The following CAV3 variants were observed in gnomAD, a reference collection of about 807,000 sequenced individuals.
The protein encoded by CAV3 is caveolin-3.
A neutral mutation model predicts 13.4 loss-of-function variants in CAV3; 10 were observed. The observed-to-expected ratio is 0.75, with a 90% CI of 0.46 to 1.27. CAV3 has a LOEUF of 1.27. Ranked by LOEUF, CAV3 falls within the 50% of genes most tolerant of loss-of-function variation. The probability of loss-of-function intolerance (pLI) is 0.00; values close to 1 mark genes in which losing one functional copy is unlikely to be tolerated. For missense variants in CAV3, 162 were observed against 194.0 expected (o/e 0.83, Z 0.98); for synonymous variants, 90 against 79.0 (o/e 1.14, Z -0.74).
At chr3:8,735,918 C>T (rs79761756) in intron 1 of CAV3, among the ~76,000 whole-genome samples, 9 of 152,364 alleles carry the variant, frequency 5.9e-5, no homozygotes, top group Non-Finnish European at 1.2e-4. Flanking sequence ...CCCTGCTTCA[C>T]TCAGGGCATT....
At chr3:8,735,857 A>G (rs1385997960) in intron 1 of CAV3, among the ~76,000 whole-genome samples, 1 of 152,210 alleles carries the variant, frequency 6.6e-6, no homozygotes, top group African/African-American at 2.4e-5. Flanking sequence ...AACCTCCTCC[A>G]GAAAGCCTTC....
chr3:8,736,498 C>T (rs1214906366), intron 1 of CAV3, among the ~76,000 whole-genome samples: 1 of 152,216 alleles, frequency 6.6e-6, no homozygotes, highest in Non-Finnish European at 1.5e-5. Context: ...CCATCTGGTA[C>T]ACCCAGGTGG....
chr3:8,737,234 T>A (rs1707787610), intron 1 of CAV3, among the ~76,000 whole-genome samples: 1 of 152,144 alleles, frequency 6.6e-6, no homozygotes. Flanking sequence ...AGGTTTCTCA[T>A]GGGCTAGGAT....
intron 1 of CAV3, chr3:8,742,422 T>C (rs751392704): frequency 8.5e-5 from 35 of 414,018 alleles, no homozygotes; most frequent in Admixed American, 6.1e-4. Flanking sequence ...ACAGAAGCCA[T>C]TGGCGGTAGG....
chr3:8,737,961 C>T (rs1707815264), intron 1 of CAV3, among the ~76,000 whole-genome samples: 1 of 152,120 alleles, frequency 6.6e-6, no homozygotes, highest in Non-Finnish European at 1.5e-5. Context: ...AGGGCCACCT[C>T]ACTGACAGCA....
Position 8,745,903 on chromosome 3 carries a change from G to C in CAV3, c.*36G>C. 1 of 1,571,948 alleles carries C rather than the reference G, an allele frequency of 6.4e-7. No homozygotes were observed. The highest frequency in any genetic ancestry group is 8.7e-7 in the Non-Finnish European group (1 of 1,151,914). On this transcript the variant is annotated 3_prime_UTR_variant, in exon 2 of 2. Coordinates refer to ENST00000343849, the MANE Select transcript of CAV3 (RefSeq NM_033337.3). The surrounding 1 kb of genome is among the most constrained non-coding windows in gnomAD (Gnocchi z 4.8). ...GGCAACAGCGGTGGCAGGGCAGGGGGTGGTGGGCCAGACTGGTCCCCGGGG... is the reference window on the plus strand; with the variant it reads ...GGCAACAGCGGTGGCAGGGCAGGGGCTGGTGGGCCAGACTGGTCCCCGGGG...
chr3:8,744,010 C>T (rs1484572703), intron 1 of CAV3, among the ~76,000 whole-genome samples: 1 of 152,048 alleles, frequency 6.6e-6, no homozygotes, highest in East Asian at 1.9e-4. Flanking sequence ...GACTAACTAA[C>T]CAGGAAGATT....
rs747392267 is a variant in CAV3 at position 8,745,673 on chromosome 3, TG to T, written c.266del (p.Gly89AlafsTer23). ...GCTGGGCGTCCCACTGGCCCTGCTC[TG>T]GGGCTTCCTGTTCGCCTGCATCTCC... The part of the protein sequence containing the change: ...TLLGVPLALL[W>X]GFLFACISFC... On this transcript the variant is annotated frameshift_variant, in exon 2 of 2. Coordinates refer to ENST00000343849, the MANE Select transcript of CAV3 (RefSeq NM_033337.3). LOFTEE classifies it high-confidence loss of function. This position sits in a 1 kb window ranked among gnomAD's most constrained non-coding sequence, Gnocchi z 4.8. The T allele has an allele frequency of 3.1e-6, 5 of 1,614,192 alleles. No homozygotes were observed. The highest frequency in any genetic ancestry group is 4.2e-6 in the Non-Finnish European group (5 of 1,180,022).
chr3:8,735,582 C>T (rs771237140), intron 1 of CAV3, among the ~76,000 whole-genome samples: 11 of 152,150 alleles, frequency 7.2e-5, no homozygotes, highest in African/African-American at 2.7e-4. Flanking sequence ...ACATTTCAAG[C>T]GCTCAAAGCT....
Position 8,746,049 on chromosome 3 carries a change from T to C in CAV3, c.*182T>C, listed in dbSNP as rs897152171. 1.9e-5 allele frequency: 11 copies of C among 590,048 alleles called. No individual in the cohort carries two copies. The highest frequency in any genetic ancestry group is 3.0e-5 in the Non-Finnish European group (10 of 332,404). The allele number at this position is 590,048 out of a possible 1,614,324, so 36.6% of individuals were successfully genotyped here. ...AGACGGCCCAGCCACAGAAGCACAA[T>C]GGCCCTTCGCTCTCCCCCAGCCCCA... is the stretch of plus-strand genomic sequence containing the variant. On this transcript the variant is annotated 3_prime_UTR_variant, in exon 2 of 2. Transcript: ENST00000343849.
chr3:8,735,692 C>T (rs1374630987), intron 1 of CAV3, among the ~76,000 whole-genome samples: 1 of 152,208 alleles, frequency 6.6e-6, no homozygotes, highest in East Asian at 1.9e-4. Context: ...CCAAACCCAA[C>T]ACAATCTGGC....
At chr3:8,743,286 A>G (rs1366536655) in intron 1 of CAV3, among the ~76,000 whole-genome samples, 1 of 152,116 alleles carries the variant, frequency 6.6e-6, no homozygotes, top group Non-Finnish European at 1.5e-5. Flanking sequence ...AAGAAAAATG[A>G]TCTCAGTCAG....
intron 1 of CAV3, among the ~76,000 whole-genome samples, chr3:8,735,210 T>G (rs1707710345): frequency 6.6e-6 from 1 of 152,250 alleles, no homozygotes; most frequent in Admixed American, 6.5e-5. Context: ...AGCCACATTT[T>G]AAAATGCGAA....
At chr3:8,737,638 T>C (rs969141370) in intron 1 of CAV3, among the ~76,000 whole-genome samples, 4 of 152,098 alleles carry the variant, frequency 2.6e-5, no homozygotes, top group African/African-American at 4.8e-5. Context: ...CACACCCCCA[T>C]TTCTGTTGCC....
intron 1 of CAV3, chr3:8,744,855 G>A (rs1016588413): frequency 1.3e-5 from 2 of 152,740 alleles, no homozygotes; most frequent in East Asian, 3.8e-4. Context: ...CTCACCTTGA[G>A]GGGGTTGAAC....
chr3:8,744,445 A>ATTTTTT (rs141816229), intron 1 of CAV3, among the ~76,000 whole-genome samples: 106 of 111,308 alleles, frequency 9.5e-4, no homozygotes, highest in African/African-American at 1.5e-3. Context: ...TACCCGGCTA[A>ATTTTTT]TTTTTTTTTT....
intron 1 of CAV3, chr3:8,742,715 T>C (rs1351877505): frequency 3.2e-6 from 1 of 311,778 alleles, no homozygotes; most frequent in African/African-American, 2.2e-5. Flanking sequence ...TCAATCAGTA[T>C]TTATTTGGAT....
intron 1 of CAV3, among the ~76,000 whole-genome samples, chr3:8,739,218 G>T (rs914957088): frequency 1.2e-4 from 18 of 152,206 alleles, no homozygotes; most frequent in African/African-American, 4.3e-4. Flanking sequence ...GGGTCCAGTG[G>T]TGGGGGCACT....
chr3:8,744,445 ATTTTTTT>A (rs141816229), intron 1 of CAV3, among the ~76,000 whole-genome samples: 37 of 111,376 alleles, frequency 3.3e-4, no homozygotes, highest in Admixed American at 1.5e-3. Flanking sequence ...TACCCGGCTA[ATTTTTTT>A]TTTTTTTTTT....
Sources: allele counts gnomAD v4.1 joint callset (sites outside exome capture counted in the v4.1 genomes callset), GRCh38; gene constraint gnomAD v4.1.1; non-coding constraint Gnocchi (gnomAD v3.1); transcripts MANE v1.5; gene names NCBI Gene and HGNC (gene_info 2026-07-23, HGNC 2026-07-21).